Variants in ALPK2 observed in about 807,000 individuals in gnomAD.
The protein encoded by ALPK2 is alpha kinase 2.
Under a neutral mutation model 163.1 loss-of-function variants are expected in ALPK2, and 127 were observed. The observed-to-expected ratio is 0.78, with a 90% CI of 0.67 to 0.90. ALPK2 has a LOEUF of 0.90. Ranked by LOEUF, ALPK2 falls within the 40% of genes least tolerant of loss-of-function variation. The probability of loss-of-function intolerance (pLI) is 0.00; values close to 1 mark genes in which losing one functional copy is unlikely to be tolerated. For missense variants in ALPK2, 2,360 were observed against 2,589.6 expected (o/e 0.91, Z 1.92); for synonymous variants, 953 against 959.1 (o/e 0.99, Z 0.12).
rs1451550829 is a variant in ALPK2 at position 58,535,026 on chromosome 18, C to T, written c.5161G>A (p.Gly1721Arg). 1.2e-6 allele frequency: 2 copies of T among 1,614,124 alleles called. No individual in the cohort carries two copies. The highest frequency in any genetic ancestry group is 2.2e-5 in the South Asian group (2 of 91,074). Reference sequence around the variant, plus strand: ...TTCTTTACTCCCTCAGCTAAATGTCCACTGCCTGGGGCTTCTGGCTTCCTC... The same window carrying T: ...TTCTTTACTCCCTCAGCTAAATGTCTACTGCCTGGGGCTTCTGGCTTCCTC... The part of the protein sequence containing the change: ...VKRKPEAPGS[G>R]HLAEGVKKKI... The change falls in exon 5 of 13, where the codon GGA (glycine) becomes AGA (arginine). Residue 1721 changes from glycine to arginine, a missense_variant. Transcript: ENST00000361673.
chr18:58,492,624 T>C (rs2051381343), intron 12 of ALPK2, among the ~76,000 whole-genome samples: 1 of 152,200 alleles, frequency 6.6e-6, no homozygotes, highest in Admixed American at 6.5e-5. Flanking sequence ...TCTACCAGAC[T>C]TCTCTAGACG....
intron 5 of ALPK2, 151 bp downstream of exon 5, chr18:58,534,683 A>C: frequency 9.7e-7 from 1 of 1,026,388 alleles, no homozygotes; most frequent in Non-Finnish European, 1.4e-6. Context: ...TTCTGATGCC[A>C]CATGCTGAAG....
At chr18:58,507,174 T>A (rs1026738678) in intron 10 of ALPK2, among the ~76,000 whole-genome samples, 1 of 152,240 alleles carries the variant, frequency 6.6e-6, no homozygotes, top group African/African-American at 2.4e-5. Flanking sequence ...TGTAATTATC[T>A]AATGTAGGCC....
chr18:58,534,934 G>A lies in ALPK2; in HGVS notation c.5253C>T (p.Asn1751=), dbSNP rs748112989. The A allele has an allele frequency of 1.2e-6, 2 of 1,614,138 alleles. No homozygotes were observed. Among genetic ancestry groups the A allele is most frequent in the East Asian group, 2.2e-5 (1 of 44,884 alleles). ...TGGGCATCTTTTTAAGAAAGGCTGA[G>A]TTCTTTCTGATATTTTCCTTTTCTT... ...KLEEKENIRK[N]SAFLKKMPKL... is the part of the protein sequence containing the mutation. The change falls in exon 5 of 13, where the codon AAC becomes AAT. Residue 1751 remains asparagine, a synonymous_variant. Transcript: ENST00000361673.
chr18:58,541,861 A>G (rs1457135462), intron 4 of ALPK2, among the ~76,000 whole-genome samples: 1 of 152,210 alleles, frequency 6.6e-6, no homozygotes, highest in African/African-American at 2.4e-5. Context: ...TCTCATCCAG[A>G]GGCCAGCTCA....
At chr18:58,545,952 G>A (rs767422182) in intron 4 of ALPK2, among the ~76,000 whole-genome samples, 5 of 152,110 alleles carry the variant, frequency 3.3e-5, no homozygotes, top group Admixed American at 6.5e-5. Flanking sequence ...TTTGTCATTC[G>A]ATAGATCAAA....
At chr18:58,572,618 C>G (rs11152085) in intron 4 of ALPK2, among the ~76,000 whole-genome samples, 1 of 151,958 alleles carries the variant, frequency 6.6e-6, no homozygotes, top group African/African-American at 2.4e-5. Context: ...AACTCAAAAA[C>G]TTGTATACTG....
chr18:58,486,899 A>G (rs1028473598), intron 12 of ALPK2, among the ~76,000 whole-genome samples: 13 of 152,136 alleles, frequency 8.5e-5, no homozygotes, highest in Admixed American at 6.5e-5. Context: ...ATTCAATAAC[A>G]TCAAGCTCTC....
intron 3 of ALPK2, among the ~76,000 whole-genome samples, chr18:58,591,106 A>T (rs1184137539): frequency 6.6e-6 from 1 of 152,182 alleles, no homozygotes; most frequent in Non-Finnish European, 1.5e-5. Flanking sequence ...TGGAACTGGG[A>T]GTCTTGACTC....
At chr18:58,559,943 G>A (rs531371368) in intron 4 of ALPK2, among the ~76,000 whole-genome samples, 1 of 152,282 alleles carries the variant, frequency 6.6e-6, no homozygotes, top group South Asian at 2.1e-4. Context: ...GAACAACATA[G>A]ATTTATTACT....
chr18:58,514,184 C>T (rs1166385012), intron 10 of ALPK2, among the ~76,000 whole-genome samples: 3 of 152,152 alleles, frequency 2.0e-5, no homozygotes, highest in Non-Finnish European at 4.4e-5. Flanking sequence ...TGAGAAAGAG[C>T]AGAAAGTGTT....
At chr18:58,554,135 C>G (rs1602215305) in intron 4 of ALPK2, among the ~76,000 whole-genome samples, 1 of 152,170 alleles carries the variant, frequency 6.6e-6, no homozygotes, top group Non-Finnish European at 1.5e-5. Context: ...GCTGGGATTA[C>G]AGGCATGAGC....
Position 58,580,353 on chromosome 18 carries a change from A to G in ALPK2, c.423T>C (p.Asp141=). 14 of 1,614,108 alleles carry G rather than the reference A, an allele frequency of 8.7e-6. No individual in the cohort carries two copies. Among genetic ancestry groups the G allele is most frequent in the Non-Finnish European group, 1.2e-5 (14 of 1,180,004 alleles). Residue 141 remains aspartate (D), a synonymous_variant, in exon 4 of 13, where the codon GAT becomes GAC. Coordinates refer to ENST00000361673, the MANE Select transcript of ALPK2 (RefSeq NM_052947.4). ...THEEERANQI[D]EKEHPYKEEE... Reference sequence around the variant, plus strand: ...CTTCCTTATAAGGATGTTCCTTCTCATCAATCTGATTTGCCCTTTCTTCTT... The same window carrying G: ...CTTCCTTATAAGGATGTTCCTTCTCGTCAATCTGATTTGCCCTTTCTTCTT...
Position 58,573,971 on chromosome 18 carries a change from C to T in ALPK2, c.1962+4843G>A, listed in dbSNP as rs561803446. Among the ~76,000 whole-genome samples, 5 of 152,194 alleles carry T rather than the reference C, an allele frequency of 3.3e-5. No homozygotes were observed. The South Asian group carries it at 1.0e-3, about 32-fold the overall frequency. On this transcript the variant is annotated intron_variant, in intron 4 of 12. Coordinates refer to ENST00000361673, the MANE Select transcript of ALPK2 (RefSeq NM_052947.4). ...CATGTTTTCCAGGTGAGGAAACCAG[C>T]TTGTACTCCTGCTTTGCCTCTCAGA...
chr18:58,592,426 C>T (rs1301185590), intron 3 of ALPK2, among the ~76,000 whole-genome samples: 2 of 152,150 alleles, frequency 1.3e-5, no homozygotes, highest in South Asian at 2.1e-4. Flanking sequence ...GCACAGAACT[C>T]GAGCCCCGCA....
chr18:58,527,636 T>C (rs1221153007), intron 6 of ALPK2, among the ~76,000 whole-genome samples: 5 of 152,228 alleles, frequency 3.3e-5, no homozygotes, highest in Non-Finnish European at 7.3e-5. Context: ...GGCTGACAGC[T>C]TCAGAAAATA....
chr18:58,524,003 C>G lies in ALPK2; in HGVS notation c.5561G>C (p.Gly1854Ala). Residue 1854 changes from glycine (G) to alanine (A), a missense_variant, in exon 7 of 13, where the codon GGA becomes GCA. Transcript: ENST00000361673. ...AIVQASPKDQGLYYCCIKNSY... is the reference protein window; with the variant it reads ...AIVQASPKDQALYYCCIKNSY... ...GTTCTTGATGCAGCAGTAATAGAGT[C>G]CCTGGTCCTTCGGACTGGCTTGCAC... 2 of 1,614,186 alleles carry G rather than the reference C, an allele frequency of 1.2e-6. No individual in the cohort carries two copies. The highest frequency in any genetic ancestry group is 1.7e-6 in the Non-Finnish European group (2 of 1,180,016).
intron 6 of ALPK2, among the ~76,000 whole-genome samples, chr18:58,525,692 C>T (rs139917509): frequency 6.6e-6 from 1 of 152,256 alleles, no homozygotes; most frequent in African/African-American, 2.4e-5. Context: ...TCAATTTCCT[C>T]CTCTGTGAAA....
At chr18:58,559,948 A>G (rs1371624897) in intron 4 of ALPK2, among the ~76,000 whole-genome samples, 1 of 152,204 alleles carries the variant, frequency 6.6e-6, no homozygotes, top group African/African-American at 2.4e-5. Context: ...ACATAGATTT[A>G]TTACTTTACA....
Sources: allele counts gnomAD v4.1 joint callset (sites outside exome capture counted in the v4.1 genomes callset), GRCh38; gene constraint gnomAD v4.1.1; transcripts MANE v1.5; gene names NCBI Gene and HGNC (gene_info 2026-07-23, HGNC 2026-07-21).